Variants in SORCS2 observed in about 807,000 individuals in gnomAD.
SORCS2 encodes the protein VPS10 domain-containing receptor SorCS2.
SORCS2 carries 100 observed loss-of-function variants against 141.6 expected under a neutral mutation model. That is an observed-to-expected ratio of 0.71 (90% CI 0.60 to 0.83). SORCS2 has a LOEUF of 0.83. Ranked by LOEUF, SORCS2 falls within the 40% of genes least tolerant of loss-of-function variation. The probability of loss-of-function intolerance (pLI) is 0.00; values close to 1 mark genes in which losing one functional copy is unlikely to be tolerated. For synonymous variants in SORCS2, 789 were observed against 676.9 expected, an observed-to-expected ratio of 1.17 and a Z score of -2.57; for missense variants, 1,646 against 1,560.2, an observed-to-expected ratio of 1.05 and a Z score of -0.93.
At chr4:7,276,060 A>C (rs1404946398) in intron 1 of SORCS2, among the ~76,000 whole-genome samples, 2 of 152,196 alleles carry the variant, frequency 1.3e-5, no homozygotes, top group Non-Finnish European at 2.9e-5. Flanking sequence ...AGTTTCTGCC[A>C]GTTACTGGAA....
At chr4:7,304,119 G>C (rs1370283782) in intron 1 of SORCS2, among the ~76,000 whole-genome samples, 1 of 152,254 alleles carries the variant, frequency 6.6e-6, no homozygotes, top group Non-Finnish European at 1.5e-5. Context: ...TGCCAGGCAT[G>C]TGTGGTCCCC....
chr4:7,376,982 A>G (rs995690100), intron 1 of SORCS2, among the ~76,000 whole-genome samples: 1 of 150,736 alleles, frequency 6.6e-6, no homozygotes, highest in African/African-American at 2.4e-5. Context: ...CCGGCTCTGC[A>G]CTGGGATTCG....
intron 2 of SORCS2, among the ~76,000 whole-genome samples, chr4:7,398,992 C>G (rs1010626759): frequency 6.6e-6 from 1 of 152,338 alleles, no homozygotes; most frequent in South Asian, 2.1e-4. Flanking sequence ...GGCGACTTTT[C>G]TAACTCCTGC....
intron 2 of SORCS2, among the ~76,000 whole-genome samples, chr4:7,522,119 A>G (rs530249848): frequency 6.6e-6 from 1 of 152,310 alleles, no homozygotes; most frequent in South Asian, 2.1e-4. Context: ...AGTCTCAGAA[A>G]GGTGTAAACC....
rs111612068 is a variant in SORCS2 at position 7,193,990 on chromosome 4, G to A, written c.480+864G>A. ...GTCCCTTTAGATTATTCCCCTGGGGGCTGCCTCAACCTCACTCCCCACTTC... is the reference window on the plus strand; with the variant it reads ...GTCCCTTTAGATTATTCCCCTGGGGACTGCCTCAACCTCACTCCCCACTTC... On this transcript the variant is annotated intron_variant, in intron 1 of 26. Transcript: ENST00000507866. This position sits in a 1 kb window ranked among gnomAD's most constrained non-coding sequence, Gnocchi z 4.8. Among the ~76,000 whole-genome samples, 2,068 of 152,198 alleles carry A rather than the reference G, an allele frequency of 0.014. 36 individuals carry two copies. Among genetic ancestry groups the A allele is most frequent in the African/African-American group, 0.035 (1,456 of 41,522 alleles).
chr4:7,630,744 G>T (rs931510314), intron 3 of SORCS2, among the ~76,000 whole-genome samples: 33 of 152,206 alleles, frequency 2.2e-4, no homozygotes, highest in Non-Finnish European at 1.5e-5. Flanking sequence ...AGATCCGGGG[G>T]TGGAGGCTGC....
chr4:7,599,029 G>A lies in SORCS2; in HGVS notation c.649-39299G>A, dbSNP rs571181923. Among the ~76,000 whole-genome samples the A allele has an allele frequency of 5.3e-5, 8 of 152,368 alleles. No homozygotes were observed. The East Asian group carries it at 1.4e-3, about 26-fold the overall frequency. On this transcript the variant is annotated intron_variant, in intron 3 of 26. Coordinates refer to ENST00000507866, the MANE Select transcript of SORCS2 (RefSeq NM_020777.3). ...GCTCTTGAGGAGGCAGCCGGGAGAAGTGGGCCGATGAGAGGTTGCTTGCCT... is the reference window on the plus strand; with the variant it reads ...GCTCTTGAGGAGGCAGCCGGGAGAAATGGGCCGATGAGAGGTTGCTTGCCT...
chr4:7,266,150 T>C (rs1315638946), intron 1 of SORCS2, among the ~76,000 whole-genome samples: 2 of 152,120 alleles, frequency 1.3e-5, no homozygotes, highest in Non-Finnish European at 2.9e-5. Context: ...TTTCTGTCCC[T>C]CACGAGTTGG....
intron 2 of SORCS2, among the ~76,000 whole-genome samples, chr4:7,525,100 A>T (rs1377007263): frequency 1.3e-5 from 2 of 152,204 alleles, no homozygotes; most frequent in Non-Finnish European, 2.9e-5. Flanking sequence ...AATCTTCATC[A>T]TTAGATATCA....
In SORCS2 at chr4:7,217,036, G is replaced by A. The variant is rs527592578; in HGVS notation, c.480+23910G>A. Among the ~76,000 whole-genome samples, 13 of 152,290 alleles carry A rather than the reference G, an allele frequency of 8.5e-5. No homozygotes were observed. In the South Asian group the frequency reaches 2.5e-3, roughly 29 times the overall value. On this transcript the variant is annotated intron_variant, in intron 1 of 26. Coordinates refer to ENST00000507866, the MANE Select transcript of SORCS2 (RefSeq NM_020777.3). ...AATCCTCCGACCGCACTACAGCTGC[G>A]CTCCTTTGGATGCTTGGGTCTGGCC...
chr4:7,312,447 A>T (rs931754697), intron 1 of SORCS2, among the ~76,000 whole-genome samples: 1 of 151,514 alleles, frequency 6.6e-6, no homozygotes, highest in Non-Finnish European at 1.5e-5. Flanking sequence ...GCCTCTGCCC[A>T]TTTCTCCCTT....
chr4:7,456,479 A>AGT (rs1728919581), intron 2 of SORCS2, among the ~76,000 whole-genome samples: 3 of 148,820 alleles, frequency 2.0e-5, no homozygotes, highest in African/African-American at 7.4e-5. Context: ...GAAGGGTGAG[A>AGT]GGGGGGGGGC....
At position 7,547,883 on chromosome 4, in the gene SORCS2, G is replaced by T. The variant is rs1420121101; in HGVS notation, c.648+16254G>T. Among the ~76,000 whole-genome samples, 3 of 152,300 alleles carry T rather than the reference G, an allele frequency of 2.0e-5. No homozygotes were observed. The East Asian group carries it at 5.8e-4, about 29-fold the overall frequency. On this transcript the variant is annotated intron_variant, in intron 3 of 26. Transcript: ENST00000507866. ...CATCAATTTGAACAAACAAACGCATGCACAAACAAACTGATTAAAGAGCAA... is the reference window on the plus strand; with the variant it reads ...CATCAATTTGAACAAACAAACGCATTCACAAACAAACTGATTAAAGAGCAA...
intron 1 of SORCS2, among the ~76,000 whole-genome samples, chr4:7,259,578 C>G (rs1285916926): frequency 6.6e-6 from 1 of 152,144 alleles, no homozygotes; most frequent in Non-Finnish European, 1.5e-5. Context: ...CTCCCAGGAG[C>G]CCTCTTGCTC....
At chr4:7,608,471 C>T (rs1718196805) in intron 3 of SORCS2, among the ~76,000 whole-genome samples, 1 of 152,224 alleles carries the variant, frequency 6.6e-6, no homozygotes, top group African/African-American at 2.4e-5. Context: ...CCTTGTTTCC[C>T]AGGACAACAC....
intron 4 of SORCS2, among the ~76,000 whole-genome samples, chr4:7,639,605 GTA>G (rs1720508953): frequency 6.6e-6 from 1 of 151,084 alleles, no homozygotes; most frequent in African/African-American, 2.4e-5. Flanking sequence ...GGGTGTGAGT[GTA>G]TATGTGCGTG....
chr4:7,215,395 C>T (rs1022121551), intron 1 of SORCS2, among the ~76,000 whole-genome samples: 2 of 152,238 alleles, frequency 1.3e-5, no homozygotes, highest in Non-Finnish European at 2.9e-5. Context: ...TGCAGCCCGC[C>T]ATGCCTGAGC....
chr4:7,252,971 G>T (rs944352553), intron 1 of SORCS2, among the ~76,000 whole-genome samples: 11 of 152,258 alleles, frequency 7.2e-5, no homozygotes, highest in African/African-American at 2.7e-4. Flanking sequence ...CTGCATGACT[G>T]TCCCAGCTCA....
At chr4:7,387,932 A>G (rs1436262364) in intron 1 of SORCS2, among the ~76,000 whole-genome samples, 2 of 151,226 alleles carry the variant, frequency 1.3e-5, no homozygotes, top group African/African-American at 2.4e-5. Context: ...CCACATGCAC[A>G]CACCGATACA....
Sources: gnomAD v4.1 joint callset for allele counts (sites outside exome capture counted in the v4.1 genomes callset) on GRCh38, gnomAD v4.1.1 for gene constraint, Gnocchi (gnomAD v3.1) non-coding constraint, MANE v1.5 for transcripts, NCBI Gene and HGNC (gene_info 2026-07-23, HGNC 2026-07-21) for gene names.